Variants in PHACTR1 observed in about 807,000 individuals in gnomAD.
PHACTR1 encodes the protein RPEL repeat containing 1.
PHACTR1 carries 16 observed loss-of-function variants against 69.2 expected under a neutral mutation model. The ratio of observed to expected loss-of-function variants is 0.23; its 90% confidence interval spans 0.16 to 0.35. The LOEUF (loss-of-function observed/expected upper bound fraction) is 0.35, where lower values mean the gene tolerates loss of function less well. Among genes scored for constraint, PHACTR1 ranks in the 10% least tolerant of loss-of-function variants. The pLI is 1.00. For synonymous variants in PHACTR1, 312 were observed against 284.5 expected (o/e 1.10, Z -0.97); for missense variants, 510 against 734.7 (o/e 0.69, Z 3.54).
intron 10 of PHACTR1, chr6:13,272,475 G>A (rs1777940268): frequency 3.2e-6 from 1 of 313,700 alleles, no homozygotes; most frequent in African/African-American, 2.2e-5. Context: ...ACAGGCTTTA[G>A]CCTCAAGGGA....
intron 4 of PHACTR1, among the ~76,000 whole-genome samples, chr6:12,779,134 G>T (rs1214035270): frequency 1.3e-5 from 2 of 152,178 alleles, no homozygotes; most frequent in Non-Finnish European, 2.9e-5. Flanking sequence ...TCAGGAGTTC[G>T]AGACCAGCCT....
intron 4 of PHACTR1, among the ~76,000 whole-genome samples, chr6:12,837,727 A>G (rs117189163): frequency 6.6e-6 from 1 of 152,370 alleles, no homozygotes; most frequent in East Asian, 1.9e-4. Context: ...AAATGTGGAT[A>G]AAACCTTCAC....
rs1202744845 is a variant in PHACTR1 at position 13,252,228 on chromosome 6, GAAAA to G, written c.1392-20625_1392-20622del. ...CTGCCTTTACAAAAAAAAAAAAATA[GAAAA>G]AAAAAATTAGCCAGGTGCCTGGGAG... On this transcript the variant is annotated intron_variant, in intron 10 of 14. Transcript: ENST00000332995. Among the ~76,000 whole-genome samples, 3 of 120,736 alleles carry G rather than the reference GAAAA, an allele frequency of 2.5e-5. No homozygotes were observed. The East Asian group carries it at 7.2e-4, about 29-fold the overall frequency. 79.2% of individuals were successfully genotyped at this position (120,736 alleles called of 152,430 possible).
At chr6:13,278,189 G>A in intron 11 of PHACTR1, 79 bp from the exon 12 acceptor site, 3 of 1,370,192 alleles carry the variant, frequency 2.2e-6, no homozygotes, top group Non-Finnish European at 3.0e-6. Flanking sequence ...TTGGCCTAGA[G>A]CCTGCCAAGG....
chr6:12,844,801 A>T (rs1779039884), intron 4 of PHACTR1, among the ~76,000 whole-genome samples: 1 of 152,204 alleles, frequency 6.6e-6, no homozygotes, highest in African/African-American at 2.4e-5. Flanking sequence ...CCACTAAAGA[A>T]ATGATGGGAA....
intron 4 of PHACTR1, among the ~76,000 whole-genome samples, chr6:12,799,603 T>C (rs1282744391): frequency 1.3e-5 from 2 of 152,212 alleles, no homozygotes; most frequent in African/African-American, 4.8e-5. Flanking sequence ...GAAGGGCACC[T>C]GCCTCACCTA....
chr6:13,027,952 C>T (rs150123697), intron 4 of PHACTR1, among the ~76,000 whole-genome samples: 1 of 152,178 alleles, frequency 6.6e-6, no homozygotes, highest in African/African-American at 2.4e-5. Flanking sequence ...GCTGGGATTA[C>T]AGGTGTGAGC....
chr6:13,174,540 T>G (rs77381174), intron 6 of PHACTR1, among the ~76,000 whole-genome samples: 1,747 of 152,348 alleles, frequency 0.011, 38 homozygotes, highest in African/African-American at 0.039. Flanking sequence ...GAAGCATAAA[T>G]GTAGCCATGG....
chr6:13,184,889 A>G (rs755281466), intron 7 of PHACTR1: 6 of 1,366,414 alleles, frequency 4.4e-6, no homozygotes, highest in Non-Finnish European at 2.9e-6. Flanking sequence ...CCCCCCAAAA[A>G]ACCTGCTGCT....
chr6:12,879,160 G>A (rs888635415), intron 4 of PHACTR1, among the ~76,000 whole-genome samples: 4 of 152,178 alleles, frequency 2.6e-5, no homozygotes, highest in African/African-American at 9.7e-5. Flanking sequence ...AAAATTTTAG[G>A]AGGCTATGAC....
At chr6:12,750,471 C>G (rs758722825) in intron 4 of PHACTR1, among the ~76,000 whole-genome samples, 1 of 142,482 alleles carries the variant, frequency 7.0e-6, no homozygotes, top group Non-Finnish European at 1.5e-5. Flanking sequence ...AGGAAGGAAA[C>G]GAGGGAAGGC....
At chr6:13,284,532 AAAAAAAAAAAAATAT>A (rs1781072937) in intron 13 of PHACTR1, among the ~76,000 whole-genome samples, 1 of 109,562 alleles carries the variant, frequency 9.1e-6, no homozygotes, top group Non-Finnish European at 1.7e-5. Flanking sequence ...AAAAAAAAAA[AAAAAAAAAAAAATAT>A]ATATATATAT....
At chr6:13,223,478 T>C (rs977033241) in intron 8 of PHACTR1, among the ~76,000 whole-genome samples, 1 of 152,196 alleles carries the variant, frequency 6.6e-6, no homozygotes, top group African/African-American at 2.4e-5. Flanking sequence ...TTACCTACCC[T>C]AGTTAGTAGG....
intron 4 of PHACTR1, among the ~76,000 whole-genome samples, chr6:12,926,015 T>G (rs1788235409): frequency 6.6e-6 from 1 of 152,202 alleles, no homozygotes; most frequent in South Asian, 2.1e-4. Flanking sequence ...GTCTTCCACG[T>G]TCTTCCTTTA....
chr6:12,950,273 C>T (rs896240445), intron 4 of PHACTR1, among the ~76,000 whole-genome samples: 1 of 152,222 alleles, frequency 6.6e-6, no homozygotes, highest in Non-Finnish European at 1.5e-5. Flanking sequence ...CAGTTAACTG[C>T]TTACCTGTCA....
Position 13,150,491 on chromosome 6 carries a change from T to G in PHACTR1, c.416-9713T>G, listed in dbSNP as rs570488555. Among the ~76,000 whole-genome samples the G allele has an allele frequency of 1.9e-4, 29 of 152,290 alleles. No homozygotes were observed. The East Asian group carries it at 5.6e-3, about 29-fold the overall frequency. Reference sequence around the variant, plus strand: ...GTTTAGATATTCATGGTACCTGAGGTAGTGAAAGACCCAATATGTGGTACT... The same window carrying G: ...GTTTAGATATTCATGGTACCTGAGGGAGTGAAAGACCCAATATGTGGTACT... On this transcript the variant is annotated intron_variant, in intron 5 of 14. Transcript: ENST00000332995.
intron 3 of PHACTR1, among the ~76,000 whole-genome samples, chr6:12,732,755 T>C (rs967911328): frequency 3.3e-5 from 5 of 152,330 alleles, no homozygotes; most frequent in African/African-American, 1.2e-4. Context: ...TTTCTATGTC[T>C]GAATTTAAAC....
intron 4 of PHACTR1, among the ~76,000 whole-genome samples, chr6:12,795,264 G>A (rs1388714710): frequency 6.6e-6 from 1 of 152,092 alleles, no homozygotes; most frequent in Non-Finnish European, 1.5e-5. Flanking sequence ...GAAAACAAAT[G>A]ACATGTGTAC....
Position 13,236,505 on chromosome 6 carries a change from C to T in PHACTR1, c.1391+6312C>T, listed in dbSNP as rs562959063. On this transcript the variant is annotated intron_variant, in intron 10 of 14. Coordinates refer to ENST00000332995, the MANE Select transcript of PHACTR1 (RefSeq NM_030948.6). The stretch of plus-strand genomic sequence containing the variant: ...GCTGCGAGGGAGCATCTGTTCCAGG[C>T]GTCTCTCCCGGCCTCTCGTGTTTGC... Among the ~76,000 whole-genome samples, 9 of 152,194 alleles carry T rather than the reference C, an allele frequency of 5.9e-5. No homozygotes were observed. In the South Asian group the frequency reaches 1.7e-3, roughly 28 times the overall value.
Sources: allele counts gnomAD v4.1 joint callset (sites outside exome capture counted in the v4.1 genomes callset), GRCh38; gene constraint gnomAD v4.1.1; transcripts MANE v1.5; gene names NCBI Gene and HGNC (gene_info 2026-07-23, HGNC 2026-07-21).